The following ANXA9 variants were observed in gnomAD, a reference collection of about 807,000 sequenced individuals.
ANXA9 encodes annexin 31.
A neutral mutation model predicts 51.8 loss-of-function variants in ANXA9; 47 were observed. The observed-to-expected ratio is 0.91, with a 90% confidence interval of 0.72 to 1.16. ANXA9 has a LOEUF of 1.16. ANXA9 is among the 50% of genes most tolerant of loss of function. The pLI is 0.00. For missense variants in ANXA9, 361 were observed against 424.7 expected, an observed-to-expected ratio of 0.85 and a Z score of 1.32; for synonymous variants, 154 against 168.7, an observed-to-expected ratio of 0.91 and a Z score of 0.68.
Position 150,994,607 on chromosome 1 carries a change from C to G in ANXA9, c.883C>G (p.Arg295Gly), listed in dbSNP as rs776885513. The change falls in exon 13 of 14, where the codon CGC becomes GGC. Residue 295 changes from arginine to glycine, a missense_variant. Physicochemically the swap from Arg to Gly is moderately radical, Grantham distance 125. Coordinates refer to ENST00000368947, the MANE Select transcript of ANXA9 (RefSeq NM_003568.3). The stretch of plus-strand genomic sequence containing the variant: ...TGAGCCCAATTACCAAGTCCTGATT[C>G]GCATCCTTATCTCTCGATGTGAGAC... ...ETEPNYQVLIRILISRCETDL... is the reference protein window; with the variant it reads ...ETEPNYQVLIGILISRCETDL... 1 of 1,613,968 alleles carries G rather than the reference C, an allele frequency of 6.2e-7. No individual in the cohort carries two copies. Among genetic ancestry groups the G allele is most frequent in the Non-Finnish European group, 8.5e-7 (1 of 1,179,926 alleles).
At chr1:150,984,493 G>C in intron 6 of ANXA9, 93 bp from the exon 7 acceptor site, 1 of 1,534,550 alleles carries the variant, frequency 6.5e-7, no homozygotes, top group African/African-American at 1.4e-5. Flanking sequence ...GTCCCATATT[G>C]TTTCTTAGAA....
rs1671606674 is a variant in ANXA9 at position 150,987,908 on chromosome 1, A to G, written c.649A>G (p.Thr217Ala). The change falls in exon 10 of 14, where the codon ACA (threonine) becomes GCA (alanine). Residue 217 changes from threonine to alanine, a missense_variant. Coordinates refer to ENST00000368947, the MANE Select transcript of ANXA9 (RefSeq NM_003568.3). ...QRAEGPSREE[T>A]WVPVFTQRNP... ...GGCAGAAGGACCTAGCAGAGAGGAA[A>G]CATGGGTCCCAGTCTTCACCCAGCG... is the stretch of plus-strand genomic sequence containing the variant. 6.2e-7 allele frequency: 1 copy of G among 1,614,110 alleles called. No homozygotes were observed. Among genetic ancestry groups the G allele is most frequent in the Non-Finnish European group, 8.5e-7 (1 of 1,180,018 alleles).
chr1:150,985,070 T>A (rs1384130542), intron 7 of ANXA9, among the ~76,000 whole-genome samples: 4 of 151,638 alleles, frequency 2.6e-5, no homozygotes, highest in Non-Finnish European at 5.9e-5. Flanking sequence ...GAGTTTGAGG[T>A]GGGAGGATCA....
At chr1:150,986,062 C>T (rs1409992051) in intron 7 of ANXA9, among the ~76,000 whole-genome samples, 2 of 152,270 alleles carry the variant, frequency 1.3e-5, no homozygotes, top group Admixed American at 6.5e-5. Flanking sequence ...CTCTTCTTCA[C>T]TGCCTGGCCC....
At chr1:150,986,238 G>T in intron 7 of ANXA9, 98 bp from the exon 8 acceptor site, 1 of 1,045,682 alleles carries the variant, frequency 9.6e-7, no homozygotes, top group East Asian at 2.4e-5. Context: ...GGCTAGCAGG[G>T]CTGGCAGGGT....
chr1:150,994,669 A>G lies in ANXA9; in HGVS notation c.945A>G (p.Lys315=), dbSNP rs1220560209. The change falls in exon 13 of 14, where the codon AAA becomes AAG. Residue 315 remains lysine, a synonymous_variant. Coordinates refer to ENST00000368947, the MANE Select transcript of ANXA9 (RefSeq NM_003568.3). ...LLSIRAEFRK[K]FGKSLYSSLQ... ...GTATCAGAGCTGAGTTCAGGAAGAA[A>G]TTTGGGAAGTCCCTCTACTCTTCTC... 4.3e-6 allele frequency: 7 copies of G among 1,613,954 alleles called. No individual in the cohort carries two copies. The highest frequency in any genetic ancestry group is 4.0e-5 in the African/African-American group (3 of 74,906).
intron 9 of ANXA9, 141 bp downstream of exon 9, chr1:150,986,802 G>A: frequency 2.5e-6 from 2 of 805,078 alleles, no homozygotes; most frequent in Non-Finnish European, 3.9e-6. Context: ...TCAGTTATGT[G>A]GTAGGGGCAG....
Position 150,994,641 on chromosome 1 carries a change from T to G in ANXA9, c.917T>G (p.Leu306Arg). Residue 306 changes from leucine (L) to arginine (R), a missense_variant, in exon 13 of 14, where the codon CTG becomes CGG. By Grantham distance (102) the Leu-to-Arg change is moderately radical. Transcript: ENST00000368947. Reference sequence around the variant, plus strand: ...ATCTCTCGATGTGAGACTGACCTTCTGAGTATCAGAGCTGAGTTCAGGAAG... The same window carrying G: ...ATCTCTCGATGTGAGACTGACCTTCGGAGTATCAGAGCTGAGTTCAGGAAG... ...ILISRCETDL[L>R]SIRAEFRKKF... 6.2e-7 allele frequency: 1 copy of G among 1,614,162 alleles called. No individual in the cohort carries two copies. Among genetic ancestry groups the G allele is most frequent in the Non-Finnish European group, 8.5e-7 (1 of 1,180,020 alleles).
chr1:150,983,217 A>G, intron 3 of ANXA9, 37 bp downstream of exon 3: 1 of 1,609,538 alleles, frequency 6.2e-7, no homozygotes, highest in Non-Finnish European at 8.5e-7. Flanking sequence ...CACTTTTAGT[A>G]TCTCAGCTCG....
intron 7 of ANXA9, 71 bp downstream of exon 7, chr1:150,984,747 C>G (rs1671506764): frequency 7.3e-7 from 1 of 1,360,606 alleles, no homozygotes; most frequent in African/African-American, 1.4e-5. Context: ...CTCTCCTGTA[C>G]TCCCCATAGG....
intron 12 of ANXA9, 53 bp from the exon 13 acceptor site, chr1:150,994,524 A>C: frequency 1.2e-6 from 2 of 1,605,164 alleles, no homozygotes; most frequent in Non-Finnish European, 1.7e-6. Flanking sequence ...TTCAACCCCT[A>C]CTCTCAGTGA....
At position 150,982,526 on chromosome 1, in the gene ANXA9, A is replaced by G. The variant is rs1671433680; in HGVS notation, c.-74A>G. 1 of 152,730 alleles carries G rather than the reference A, an allele frequency of 6.5e-6. No homozygotes were observed. Among genetic ancestry groups the G allele is most frequent in the Admixed American group, 6.5e-5 (1 of 15,340 alleles). 9.5% of individuals were successfully genotyped at this position (152,730 alleles called of 1,614,324 possible). A position where few individuals can be genotyped will look rare whatever the true frequency, so the allele number is the denominator to read the frequency against. The stretch of plus-strand genomic sequence containing the variant: ...GCAAGAACTCTTGCTCACATCAGCT[A>G]AGAGATTGCACCTGCTGACCTAGAG... On this transcript the variant is annotated 5_prime_UTR_variant, in exon 2 of 14. Coordinates refer to ENST00000368947, the MANE Select transcript of ANXA9 (RefSeq NM_003568.3).
intron 4 of ANXA9, 32 bp from the exon 5 acceptor site, chr1:150,983,943 C>G: frequency 1.3e-6 from 2 of 1,594,574 alleles, no homozygotes; most frequent in Non-Finnish European, 1.7e-6. Flanking sequence ...TGTAAAGACC[C>G]TGCTCACAGC....
At chr1:150,984,260 T>A in intron 5 of ANXA9, 21 bp from the exon 6 acceptor site, 1 of 1,605,036 alleles carries the variant, frequency 6.2e-7, no homozygotes, top group Non-Finnish European at 8.5e-7. Flanking sequence ...GTCCCTCTGC[T>A]GTGAGGACCA....
In ANXA9 at chr1:150,983,188, C is replaced by A; in HGVS notation, c.75+8C>A. On this transcript the variant is annotated splice_region_variant and intron_variant, in intron 3 of 13. Coordinates refer to ENST00000368947, the MANE Select transcript of ANXA9 (RefSeq NM_003568.3). ...CTGGGCCTGGCCAGCAAGGTAGGGG[C>A]TGTTGGGATTTTAGAGATCACTTTT... The A allele has an allele frequency of 2.5e-6, 4 of 1,613,414 alleles. No individual in the cohort carries two copies. The highest frequency in any genetic ancestry group is 3.4e-6 in the Non-Finnish European group (4 of 1,179,626).
intron 7 of ANXA9, among the ~76,000 whole-genome samples, chr1:150,984,892 T>G (rs1671511410): frequency 1.3e-5 from 2 of 149,436 alleles, no homozygotes; most frequent in South Asian, 2.1e-4. Context: ...CCAGGTACGG[T>G]GACTCATGCC....
At chr1:150,988,455 C>G in intron 12 of ANXA9, 114 bp downstream of exon 12, 2 of 1,286,014 alleles carry the variant, frequency 1.6e-6, no homozygotes, top group South Asian at 1.3e-5. Flanking sequence ...TCAAGCCGCT[C>G]TCCTTCCCAG....
In ANXA9 at chr1:150,983,318, A is replaced by G; in HGVS notation, c.76-20A>G. On this transcript the variant is annotated intron_variant, in intron 3 of 13. Coordinates refer to ENST00000368947, the MANE Select transcript of ANXA9 (RefSeq NM_003568.3). ...GGCAGCCTGGCCCTGGCCCTTGCCA[A>G]CTACCCTGTGCTCCCACAGACTGCA... The G allele has an allele frequency of 6.2e-7, 1 of 1,612,996 alleles. No homozygotes were observed. Among genetic ancestry groups the G allele is most frequent in the Non-Finnish European group, 8.5e-7 (1 of 1,179,394 alleles).
In ANXA9 at chr1:150,988,141, C is replaced by G; in HGVS notation, c.748C>G (p.Gln250Glu). The stretch of plus-strand genomic sequence containing the variant: ...TGGGCAAGAGCTGGAGGAGGCTGTC[C>G]AGAACCGTTTCCATGGAGATGCTCA... ...STGQELEEAV[Q>E]NRFHGDAQVA... The change falls in exon 11 of 14, where the codon CAG (glutamine) becomes GAG (glutamate). Residue 250 changes from glutamine to glutamate, a missense_variant. Gln to Glu is a conservative substitution (Grantham distance 29). Coordinates refer to ENST00000368947, the MANE Select transcript of ANXA9 (RefSeq NM_003568.3). The G allele has an allele frequency of 6.2e-7, 1 of 1,614,166 alleles. No homozygotes were observed. The highest frequency in any genetic ancestry group is 1.1e-5 in the South Asian group (1 of 91,080).
Sources: allele counts gnomAD v4.1 joint callset (sites outside exome capture counted in the v4.1 genomes callset), GRCh38; gene constraint gnomAD v4.1.1; transcripts MANE v1.5; gene names NCBI Gene and HGNC (gene_info 2026-07-23, HGNC 2026-07-21).